Variants in MYH7B observed in about 807,000 individuals in gnomAD.
MYH7B encodes the protein myosin-7B.
Under a neutral mutation model 234.5 loss-of-function variants are expected in MYH7B, and 205 were observed. That is an observed-to-expected ratio of 0.87 (90% confidence interval 0.78 to 0.98). The LOEUF is 0.98. Among genes scored for constraint, MYH7B ranks in the 50% least tolerant of loss-of-function variants. The pLI is 0.00. For missense variants in MYH7B, 2,652 were observed against 2,633.4 expected (o/e 1.01, Z -0.15); for synonymous variants, 1,193 against 1,105.0 (o/e 1.08, Z -1.58).
At chr20:34,981,345 C>G (rs2147177420) in intron 9 of MYH7B, 1 of 397,818 alleles carries the variant, frequency 2.5e-6, no homozygotes, top group Non-Finnish European at 4.5e-6. Flanking sequence ...CCACCTTGAT[C>G]CTCTGGGGTT....
At chr20:34,970,183 A>G (rs994493232) in intron 2 of MYH7B, among the ~76,000 whole-genome samples, 1 of 152,160 alleles carries the variant, frequency 6.6e-6, no homozygotes, top group African/African-American at 2.4e-5. Flanking sequence ...CCTAAGGGCC[A>G]AGGTAAGCCA....
intron 14 of MYH7B, among the ~76,000 whole-genome samples, 185 bp from the exon 15 acceptor site, chr20:34,986,701 T>G (rs940309954): frequency 2.6e-5 from 4 of 152,076 alleles, no homozygotes. Flanking sequence ...TCACTCTCAG[T>G]GCCCTCAGCC....
chr20:34,957,529 G>T (rs1044286029), intron 1 of MYH7B, among the ~76,000 whole-genome samples: 18 of 102,338 alleles, frequency 1.8e-4, no homozygotes, highest in Non-Finnish European at 3.2e-4. Context: ...CGTTGTTGTT[G>T]CCCAGGCTGG....
At chr20:34,984,992 C>T (rs748933250) in intron 12 of MYH7B, 46 bp downstream of exon 12, 1 of 1,609,380 alleles carries the variant, frequency 6.2e-7, no homozygotes, top group South Asian at 1.1e-5. Flanking sequence ...CGTAGGCCAC[C>T]AGCGGCAGGT....
intron 2 of MYH7B, among the ~76,000 whole-genome samples, chr20:34,971,476 T>C (rs2081793514): frequency 6.6e-6 from 1 of 151,718 alleles, no homozygotes; most frequent in Non-Finnish European, 1.5e-5. Flanking sequence ...GCCTTTTGGC[T>C]GCCCTCGTCC....
intron 7 of MYH7B, chr20:34,980,365 A>G (rs1421634713): frequency 8.1e-6 from 4 of 496,450 alleles, no homozygotes; most frequent in Non-Finnish European, 1.4e-5. Context: ...CCTGGCCAAC[A>G]TGGTGAAACC....
At chr20:34,987,485 AG>A in intron 16 of MYH7B, 71 bp from the exon 17 acceptor site, 1 of 1,452,140 alleles carries the variant, frequency 6.9e-7, no homozygotes, top group Non-Finnish European at 9.5e-7. Flanking sequence ...TCCTAGCCCC[AG>A]GCTGAGGCAG....
intron 27 of MYH7B, 104 bp from the exon 28 acceptor site, chr20:34,995,228 GCCAA>G: frequency 3.5e-6 from 3 of 857,216 alleles, no homozygotes; most frequent in Non-Finnish European, 5.0e-6. Flanking sequence ...TCAGAGCACA[GCCAA>G]ACTTTGCTAC....
chr20:34,998,727 T>C, exon 35 of MYH7B: 1 of 1,611,362 alleles, frequency 6.2e-7, no homozygotes. Flanking sequence ...AGGCCAAGAG[T>C]GCCCTGGCCC....
intron 16 of MYH7B, 47 bp downstream of exon 16, chr20:34,987,334 C>A (rs1407808385): frequency 6.2e-7 from 1 of 1,601,954 alleles, no homozygotes; most frequent in South Asian, 1.1e-5. Flanking sequence ...ACCTCAGCAT[C>A]CTGTCCATGA....
chr20:34,958,322 G>A (rs1485472507), intron 2 of MYH7B, among the ~76,000 whole-genome samples, 110 bp downstream of exon 2: 1 of 152,194 alleles, frequency 6.6e-6, no homozygotes, highest in Non-Finnish European at 1.5e-5. Flanking sequence ...AAGGACTCTT[G>A]ACTAAGAATC....
chr20:34,993,412 C>T lies in MYH7B; in HGVS notation c.2386C>T (p.Gln796Ter). The T allele has an allele frequency of 6.8e-6, 11 of 1,612,486 alleles. No individual in the cohort carries two copies. The highest frequency in any genetic ancestry group is 9.3e-6 in the Non-Finnish European group (11 of 1,179,770). ...CCTGGCCAAGGTGCTGACGCTGCTG[C>T]AGGCGCGGAGCCGTGGCCGCCTCAT... The change falls in exon 26 of 45, where the codon CAG (glutamine) becomes TAG (stop). Residue 796 changes from glutamine to a stop codon, truncating the protein, a stop_gained. Coordinates refer to ENST00000262873, the Ensembl canonical transcript of MYH7B. LOFTEE classifies it high-confidence loss of function.
At chr20:34,968,184 G>A (rs1461942389) in intron 2 of MYH7B, among the ~76,000 whole-genome samples, 1 of 152,254 alleles carries the variant, frequency 6.6e-6, no homozygotes, top group Non-Finnish European at 1.5e-5. Context: ...GGGTCACTCA[G>A]CTTGTAAATG....
At chr20:34,975,161 C>T (rs767988652) in intron 2 of MYH7B, among the ~76,000 whole-genome samples, 9 of 152,128 alleles carry the variant, frequency 5.9e-5, no homozygotes, top group Non-Finnish European at 8.8e-5. Flanking sequence ...TGAGGGATGG[C>T]CCGAAGGGGA....
intron 7 of MYH7B, chr20:34,980,155 G>A (rs1011077919): frequency 2.1e-5 from 8 of 378,512 alleles, no homozygotes; most frequent in Admixed American, 1.5e-4. Flanking sequence ...AGAGGGTGTG[G>A]TGTGGCAAGT....
At chr20:34,969,562 T>TG (rs2081774110) in intron 2 of MYH7B, among the ~76,000 whole-genome samples, 2 of 143,726 alleles carry the variant, frequency 1.4e-5, no homozygotes, top group African/African-American at 5.2e-5. Flanking sequence ...TTTTTTTTTT[T>TG]GAGATGGAGT....
chr20:35,000,272 C>T (rs781176766), intron 38 of MYH7B, 21 bp from the exon 39 acceptor site: 2 of 1,546,558 alleles, frequency 1.3e-6, no homozygotes, highest in East Asian at 2.2e-5. Context: ...GACCCCCTTT[C>T]ATGCCACCCT....
chr20:34,974,470 C>A (rs1053232685), intron 2 of MYH7B, among the ~76,000 whole-genome samples: 7 of 152,134 alleles, frequency 4.6e-5, no homozygotes, highest in Admixed American at 6.5e-5. Flanking sequence ...GAGCTTATCT[C>A]AGCAGGAAGA....
At position 34,993,130 on chromosome 20, in the gene MYH7B, C is replaced by T. The variant is rs3746442; in HGVS notation, c.2212C>T (p.Pro738Ser). The T allele has an allele frequency of 1.4e-5, 23 of 1,613,908 alleles. No individual in the cohort carries two copies. In the East Asian group the frequency reaches 5.1e-4, roughly 36 times the overall value. Residue 738 changes from proline to serine, a missense_variant, in exon 25 of 45, where the codon CCG (proline) becomes TCG (serine). Pro to Ser is a moderately conservative substitution (Grantham distance 74). Coordinates refer to ENST00000262873, the Ensembl canonical transcript of MYH7B. The stretch of plus-strand genomic sequence containing the variant: ...CCGTATCCTGAACCCCAGTGCCATC[C>T]CGGATGACACCTTCATGGACAGCAG...
Sources: gnomAD v4.1 joint callset for allele counts (sites outside exome capture counted in the v4.1 genomes callset) on GRCh38, gnomAD v4.1.1 for gene constraint, MANE v1.5 for transcripts, NCBI Gene and HGNC (gene_info 2026-07-23, HGNC 2026-07-21) for gene names.